The following HCFC2 variants were observed in gnomAD, a reference collection of about 807,000 sequenced individuals.
The protein encoded by HCFC2 is host cell factor C2.
Under a neutral mutation model 89.2 loss-of-function variants are expected in HCFC2, and 18 were observed. The ratio of observed to expected loss-of-function variants is 0.20; its 90% CI spans 0.14 to 0.30. The LOEUF (loss-of-function observed/expected upper bound fraction) is 0.30, where lower values mean the gene tolerates loss of function less well. HCFC2 is among the 10% of genes least tolerant of loss of function. The pLI is 1.00. For missense variants in HCFC2, 578 were observed against 956.1 expected (o/e 0.60, Z 5.21); for synonymous variants, 308 against 335.7 (o/e 0.92, Z 0.90).
rs2272477 is a variant in HCFC2 at position 104,095,342 on chromosome 12, T to C, written c.1463-18T>C. The C allele has an allele frequency of 0.14, 214,827 of 1,574,868 alleles. 15,313 individuals are homozygous for C. The highest frequency in any genetic ancestry group is 0.22 in the Middle Eastern group (1,304 of 5,984). On this transcript the variant is annotated intron_variant, in intron 10 of 14. Coordinates refer to ENST00000229330, the MANE Select transcript of HCFC2 (RefSeq NM_013320.3). The surrounding 1 kb of genome is among the most constrained non-coding windows in gnomAD (Gnocchi z 4.2). ...TGCAGATATCATATTAATAATTACC[T>C]TTTCCCTTTTATTTTAGGTCCTCAC... is the stretch of plus-strand genomic sequence containing the variant.
Position 104,090,729 on chromosome 12 carries a change from T to C in HCFC2, c.1285-2657T>C, listed in dbSNP as rs563183912. 3.1e-4 allele frequency among the ~76,000 whole-genome samples: 47 copies of C among 152,312 alleles called. 1 individual carries two copies. The highest frequency in any genetic ancestry group is 2.1e-4 in the South Asian group (1 of 4,828). ...TTTTGGAGTTTTAGTCTGCTCTTTGTTATGTTTCTTTTTTTCAAGCTCCTT... is the reference window on the plus strand; with the variant it reads ...TTTTGGAGTTTTAGTCTGCTCTTTGCTATGTTTCTTTTTTTCAAGCTCCTT... On this transcript the variant is annotated intron_variant, in intron 9 of 14. Transcript: ENST00000229330.
intron 7 of HCFC2, 47 bp downstream of exon 7, chr12:104,082,948 C>T: frequency 7.2e-7 from 1 of 1,380,642 alleles, no homozygotes. Flanking sequence ...TAGGTAAGCA[C>T]TCAAATGTCT....
chr12:104,096,689 A>G (rs1884187204), intron 12 of HCFC2, among the ~76,000 whole-genome samples: 1 of 152,204 alleles, frequency 6.6e-6, no homozygotes, highest in Admixed American at 6.5e-5. Flanking sequence ...ATACTCTCAC[A>G]TGTACCCACA....
chr12:104,086,728 T>C, intron 7 of HCFC2, 119 bp from the exon 8 acceptor site: 1 of 744,130 alleles, frequency 1.3e-6, no homozygotes, highest in Non-Finnish European at 2.1e-6. Context: ...TTCCCTGTCT[T>C]GGTAAGCAGA....
chr12:104,068,142 A>G lies in HCFC2; in HGVS notation c.473+35A>G. 3 of 1,513,648 alleles carry G rather than the reference A, an allele frequency of 2.0e-6. No individual in the cohort carries two copies. Among genetic ancestry groups the G allele is most frequent in the Non-Finnish European group, 2.7e-6 (3 of 1,129,402 alleles). The allele number at this position is 1,513,648 out of a possible 1,614,324, so 93.8% of individuals were successfully genotyped here. ...CTCTTTCAGACCAAATGCTTATTTT[A>G]TGATTTAGAGTAGGAACATTTTATT... On this transcript the variant is annotated intron_variant, in intron 3 of 14. Transcript: ENST00000229330. This position sits in a 1 kb window ranked among gnomAD's most constrained non-coding sequence, Gnocchi z 4.1.
chr12:104,066,377 CA>C, intron 2 of HCFC2, 62 bp downstream of exon 2: 4 of 1,219,386 alleles, frequency 3.3e-6, no homozygotes, highest in Non-Finnish European at 4.6e-6. Flanking sequence ...CATAATTTTT[CA>C]AAAGATTGCA....
chr12:104,086,935 G>A lies in HCFC2; in HGVS notation c.1152G>A (p.Glu384=). The part of the protein sequence containing the change: ...HVKWDEVSTV[E]GYLLQLSTDL... Reference sequence around the variant, plus strand: ...AGTGGGATGAAGTGTCTACAGTTGAGGGCTATCTTTTGCAGTTGAGTACAG... The same window carrying A: ...AGTGGGATGAAGTGTCTACAGTTGAAGGCTATCTTTTGCAGTTGAGTACAG... Residue 384 remains glutamate, a synonymous_variant, in exon 8 of 15, where the codon GAG becomes GAA. Transcript: ENST00000229330. 1.2e-6 allele frequency: 2 copies of A among 1,614,064 alleles called. No homozygotes were observed. Among genetic ancestry groups the A allele is most frequent in the Non-Finnish European group, 1.7e-6 (2 of 1,179,958 alleles).
chr12:104,084,184 A>G (rs1351779885), intron 7 of HCFC2, among the ~76,000 whole-genome samples: 1 of 152,258 alleles, frequency 6.6e-6, no homozygotes, highest in Non-Finnish European at 1.5e-5. Flanking sequence ...CTGCTCTCAC[A>G]AAGAACTTAC....
At chr12:104,088,305 A>G (rs1226576952) in intron 9 of HCFC2, among the ~76,000 whole-genome samples, 1 of 152,194 alleles carries the variant, frequency 6.6e-6, no homozygotes, top group Non-Finnish European at 1.5e-5. Context: ...CTGAATTGAA[A>G]ACCCAGGCCA....
At chr12:104,076,297 C>T (rs1478122086) in intron 3 of HCFC2, among the ~76,000 whole-genome samples, 10 of 152,124 alleles carry the variant, frequency 6.6e-5, no homozygotes, top group African/African-American at 2.2e-4. Flanking sequence ...AATGAATGTT[C>T]GAAGCTTTTT....
At chr12:104,101,172 G>A (rs1258479257) in intron 13 of HCFC2, among the ~76,000 whole-genome samples, 4 of 152,148 alleles carry the variant, frequency 2.6e-5, no homozygotes, top group Non-Finnish European at 5.9e-5. Flanking sequence ...TTTGGTGTCT[G>A]TTGAATTTTA....
At chr12:104,088,114 C>A in intron 9 of HCFC2, 76 bp downstream of exon 9, 1 of 973,574 alleles carries the variant, frequency 1.0e-6, no homozygotes, top group Non-Finnish European at 1.6e-6. Flanking sequence ...ATTTAGCATA[C>A]TACTACTCTA....
Position 104,085,995 on chromosome 12 carries a change from AT to A in HCFC2, c.1064-832del, listed in dbSNP as rs774649121. ...TAAGGATTTATCTCTTCCTCCCACC[AT>A]TTTTTTTTTTTTTTTTTTTGAGGCG... On this transcript the variant is annotated intron_variant, in intron 7 of 14. Transcript: ENST00000229330. 8.9e-3 allele frequency among the ~76,000 whole-genome samples: 969 copies of A among 109,320 alleles called. 3 individuals are homozygous for A. Among genetic ancestry groups the A allele is most frequent in the African/African-American group, 0.024 (694 of 28,504 alleles). 71.7% of individuals were successfully genotyped at this position (109,320 alleles called of 152,430 possible).
At chr12:104,082,657 T>C (rs772038278) in intron 6 of HCFC2, 51 bp downstream of exon 6, 1 of 1,575,722 alleles carries the variant, frequency 6.3e-7, no homozygotes, top group Admixed American at 1.8e-5. Flanking sequence ...AATAAGATAA[T>C]TTTTGTAATT....
chr12:104,079,367 ATCTTT>A (rs1191198214), intron 3 of HCFC2, 73 bp from the exon 4 acceptor site: 57 of 1,170,392 alleles, frequency 4.9e-5, no homozygotes, highest in Middle Eastern at 2.9e-4. Flanking sequence ...AGCACATTTT[ATCTTT>A]ATAAATAGAA....
At chr12:104,092,500 C>T (rs2136622436) in intron 9 of HCFC2, among the ~76,000 whole-genome samples, 1 of 152,000 alleles carries the variant, frequency 6.6e-6, no homozygotes, top group East Asian at 1.9e-4. Flanking sequence ...AGGCCAGGCG[C>T]TGTGGCTCAC....
chr12:104,100,115 G>T (rs2029890654), intron 13 of HCFC2, among the ~76,000 whole-genome samples: 1 of 151,846 alleles, frequency 6.6e-6, no homozygotes, highest in African/African-American at 2.4e-5. Flanking sequence ...ACAATTAAAA[G>T]AAATCTAAAA....
intron 3 of HCFC2, among the ~76,000 whole-genome samples, chr12:104,076,488 G>A (rs548851354): frequency 6.6e-6 from 1 of 152,342 alleles, no homozygotes; most frequent in East Asian, 1.9e-4. Context: ...CATACTGGCT[G>A]ATATCCATTC....
chr12:104,074,194 A>T (rs1284612802), intron 3 of HCFC2, among the ~76,000 whole-genome samples: 1 of 152,178 alleles, frequency 6.6e-6, no homozygotes, highest in African/African-American at 2.4e-5. Context: ...GCTGGAGTAC[A>T]GTGGCATGAT....
Sources: gnomAD v4.1 joint callset for allele counts (sites outside exome capture counted in the v4.1 genomes callset) on GRCh38, gnomAD v4.1.1 for gene constraint, Gnocchi (gnomAD v3.1) non-coding constraint, MANE v1.5 for transcripts, NCBI Gene and HGNC (gene_info 2026-07-23, HGNC 2026-07-21) for gene names.